Variants in MYO3B observed in about 807,000 individuals in gnomAD.
MYO3B encodes myosin IIIB.
Under a neutral mutation model 174.6 loss-of-function variants are expected in MYO3B, and 156 were observed. That is an observed-to-expected ratio of 0.89 (90% CI 0.78 to 1.02). The LOEUF (loss-of-function observed/expected upper bound fraction) is 1.02, where lower values mean the gene tolerates loss of function less well. Ranked by LOEUF, MYO3B falls within the 50% of genes least tolerant of loss-of-function variation. The probability of loss-of-function intolerance (pLI) is 0.00; values close to 1 mark genes in which losing one functional copy is unlikely to be tolerated. For synonymous variants in MYO3B, 563 were observed against 569.1 expected (o/e 0.99, Z 0.15); for missense variants, 1,632 against 1,639.4 (o/e 1.00, Z 0.08).
chr2:170,293,758 C>A (rs140110754), intron 7 of MYO3B, among the ~76,000 whole-genome samples: 2 of 152,072 alleles, frequency 1.3e-5, no homozygotes, highest in East Asian at 3.9e-4. Flanking sequence ...AAGGAAATTT[C>A]CCTTTCTTTA....
chr2:170,401,374 A>G (rs1218678017), intron 17 of MYO3B, 107 bp from the exon 18 acceptor site: 3 of 1,017,876 alleles, frequency 2.9e-6, no homozygotes, highest in Non-Finnish European at 4.4e-6. Context: ...TTGAGTCAAA[A>G]GTACCCAAAT....
intron 13 of MYO3B, 67 bp from the exon 14 acceptor site, chr2:170,387,039 G>A: frequency 3.3e-6 from 5 of 1,528,068 alleles, no homozygotes; most frequent in Non-Finnish European, 3.6e-6. Context: ...GCAAGGGATG[G>A]TGCCTGGCAA....
intron 30 of MYO3B, among the ~76,000 whole-genome samples, chr2:170,532,756 C>T (rs936947955): frequency 5.8e-5 from 8 of 138,346 alleles, no homozygotes; most frequent in African/African-American, 1.6e-4. Context: ...GTGGGGGTTG[C>T]GGTGAGCCAA....
At chr2:170,511,252 G>A (rs910422637) in intron 28 of MYO3B, among the ~76,000 whole-genome samples, 8 of 151,286 alleles carry the variant, frequency 5.3e-5, no homozygotes, top group African/African-American at 7.3e-5. Context: ...ATTTTTAGTA[G>A]AGACGGGGTT....
At chr2:170,621,931 C>A (rs1040090642) in intron 32 of MYO3B, among the ~76,000 whole-genome samples, 1 of 152,154 alleles carries the variant, frequency 6.6e-6, no homozygotes, top group Non-Finnish European at 1.5e-5. Flanking sequence ...AGATTTTAAA[C>A]CCTTTGAATG....
chr2:170,395,341 A>C (rs2094437158), intron 16 of MYO3B, among the ~76,000 whole-genome samples: 1 of 152,184 alleles, frequency 6.6e-6, no homozygotes, highest in Non-Finnish European at 1.5e-5. Context: ...ATATTACATA[A>C]ATTGGGTTTT....
At chr2:170,310,831 G>A (rs2093734566) in intron 7 of MYO3B, among the ~76,000 whole-genome samples, 1 of 152,102 alleles carries the variant, frequency 6.6e-6, no homozygotes. Context: ...TTAAGATAAA[G>A]GATTGTGGAG....
intron 24 of MYO3B, among the ~76,000 whole-genome samples, chr2:170,463,966 C>G (rs967243358): frequency 2.2e-4 from 34 of 152,206 alleles, no homozygotes; most frequent in African/African-American, 6.5e-4. Flanking sequence ...CATATACACT[C>G]TTGCACAGAT....
chr2:170,562,002 T>G lies in MYO3B; in HGVS notation c.3733+18014T>G, dbSNP rs139964063. Among the ~76,000 whole-genome samples, 312 of 152,316 alleles carry G rather than the reference T, an allele frequency of 2.0e-3. 3 individuals are homozygous for G. The highest frequency in any genetic ancestry group is 6.8e-3 in the African/African-American group (284 of 41,578). On this transcript the variant is annotated intron_variant, in intron 32 of 34. Transcript: ENST00000408978. ...TGAAAAAAATAAAAACATTGAATCC[T>G]GTGTTTATTGCTCCATCATCTTAAT...
At chr2:170,193,281 T>C (rs1190491113) in intron 1 of MYO3B, among the ~76,000 whole-genome samples, 1 of 152,092 alleles carries the variant, frequency 6.6e-6, no homozygotes, top group Non-Finnish European at 1.5e-5. Flanking sequence ...TCAATTACTA[T>C]TGTTGAATGT....
chr2:170,332,573 A>G (rs1373738565), intron 7 of MYO3B, among the ~76,000 whole-genome samples: 2 of 152,200 alleles, frequency 1.3e-5, no homozygotes, highest in African/African-American at 2.4e-5. Context: ...TCAGATAATA[A>G]TCTTTCACAA....
At chr2:170,636,683 TG>T (rs1352698454) in intron 32 of MYO3B, among the ~76,000 whole-genome samples, 1 of 152,166 alleles carries the variant, frequency 6.6e-6, no homozygotes, top group African/African-American at 2.4e-5. Context: ...GGTGCCATCA[TG>T]GATGTCCAAG....
intron 6 of MYO3B, among the ~76,000 whole-genome samples, chr2:170,221,384 G>A (rs909883158): frequency 1.3e-5 from 2 of 152,008 alleles, no homozygotes; most frequent in African/African-American, 2.4e-5. Context: ...ACAAGCTTGA[G>A]TAAGTGTAAT....
At chr2:170,571,603 T>C (rs1414144070) in intron 32 of MYO3B, among the ~76,000 whole-genome samples, 1 of 152,098 alleles carries the variant, frequency 6.6e-6, no homozygotes, top group Non-Finnish European at 1.5e-5. Context: ...ATGTAGAGAA[T>C]AGATAGGATA....
intron 8 of MYO3B, among the ~76,000 whole-genome samples, chr2:170,355,632 T>G (rs1489173317): frequency 6.6e-6 from 1 of 152,240 alleles, no homozygotes; most frequent in African/African-American, 2.4e-5. Flanking sequence ...CAACTCACAT[T>G]GTTGGGATTG....
intron 32 of MYO3B, among the ~76,000 whole-genome samples, chr2:170,646,161 C>G (rs1298587096): frequency 6.6e-6 from 1 of 151,442 alleles, no homozygotes; most frequent in Non-Finnish European, 1.5e-5. Flanking sequence ...ATCCCAGCTA[C>G]TAGGGAGGCT....
chr2:170,580,092 T>C (rs1693033912), intron 32 of MYO3B, among the ~76,000 whole-genome samples: 1 of 152,224 alleles, frequency 6.6e-6, no homozygotes, highest in African/African-American at 2.4e-5. Context: ...CAGAAAAATT[T>C]ATTACCATAT....
chr2:170,381,544 A>G lies in MYO3B; in HGVS notation c.972-472A>G, dbSNP rs544770650. On this transcript the variant is annotated intron_variant, in intron 9 of 34. Coordinates refer to ENST00000408978, the MANE Select transcript of MYO3B (RefSeq NM_138995.5). ...TAAGAAAAAACATAAACAGTGATCA[A>G]TTATTTGGTATTTACTATATTAATC... is the stretch of plus-strand genomic sequence containing the variant. 9.8e-5 allele frequency among the ~76,000 whole-genome samples: 15 copies of G among 152,328 alleles called. 1 individual carries two copies. The South Asian group carries it at 2.1e-3, about 21-fold the overall frequency.
At position 170,654,961 on chromosome 2, in the gene MYO3B, T is replaced by C. The variant is rs1699204764; in HGVS notation, c.*1840T>C. On this transcript the variant is annotated 3_prime_UTR_variant, in exon 35 of 35. Transcript: ENST00000408978. ...AATAATGTGTAGAATATATAAATTT[T>C]TTATGTTACTGTTAATATACGAGTG... 6.6e-6 allele frequency: 1 copy of C among 152,152 alleles called. No individual in the cohort carries two copies. Among genetic ancestry groups the C allele is most frequent in the Admixed American group, 6.6e-5 (1 of 15,260 alleles). The allele number at this position is 152,152 out of a possible 1,614,324, so 9.4% of individuals were successfully genotyped here.
Sources: allele counts gnomAD v4.1 joint callset (sites outside exome capture counted in the v4.1 genomes callset), GRCh38; gene constraint gnomAD v4.1.1; transcripts MANE v1.5; gene names NCBI Gene and HGNC (gene_info 2026-07-23, HGNC 2026-07-21).